CDH23: variants seen among roughly 807,000 people sequenced by gnomAD.
CDH23 encodes cadherin related 23.
In CDH23, 189 loss-of-function variants were observed where a neutral mutation model predicts 317.1. The observed-to-expected ratio is 0.60, with a 90% CI of 0.53 to 0.67. The LOEUF (loss-of-function observed/expected upper bound fraction) is 0.67, where lower values mean the gene tolerates loss of function less well. Among genes scored for constraint, CDH23 ranks in the 30% least tolerant of loss-of-function variants. The pLI, the probability that CDH23 is intolerant of heterozygous loss-of-function variation, is 0.00. For missense variants in CDH23, 4,401 were observed against 4,592.4 expected (o/e 0.96, Z 1.20); for synonymous variants, 1,839 against 1,876.8 (o/e 0.98, Z 0.52).
intron 3 of CDH23, among the ~76,000 whole-genome samples, chr10:71,482,087 G>A (rs1329282862): frequency 2.0e-5 from 3 of 152,132 alleles, no homozygotes; most frequent in African/African-American, 4.8e-5. Flanking sequence ...CCCTGGTGGC[G>A]GTCCCCATTC....
In CDH23 at chr10:71,645,893, C is replaced by T; in HGVS notation, c.1203C>T (p.Ser401=). 6.2e-7 allele frequency: 1 copy of T among 1,613,672 alleles called. No individual in the cohort carries two copies. The highest frequency in any genetic ancestry group is 8.5e-7 in the Non-Finnish European group (1 of 1,179,658). Reference sequence around the variant, plus strand: ...ACAACTCCCACCACTTCATCATCTCCCCGACCTCCGTCCAGGGGAAGGCGG... The same window carrying T: ...ACAACTCCCACCACTTCATCATCTCTCCGACCTCCGTCCAGGGGAAGGCGG... ...VGNNSHHFII[S]PTSVQGKADI... Residue 401 remains serine (S), a synonymous_variant, in exon 13 of 70, where the codon TCC becomes TCT. Coordinates refer to ENST00000224721, the MANE Select transcript of CDH23 (RefSeq NM_022124.6).
chr10:71,571,705 C>G (rs2132378439), intron 8 of CDH23, among the ~76,000 whole-genome samples: 1 of 152,324 alleles, frequency 6.6e-6, no homozygotes, highest in African/African-American at 2.4e-5. Flanking sequence ...ATGCGCCTCC[C>G]CTAGGCAGTC....
intron 11 of CDH23, among the ~76,000 whole-genome samples, chr10:71,633,505 A>G (rs7071125): frequency 0.011 from 1,704 of 152,252 alleles, 13 homozygotes; most frequent in Middle Eastern, 0.034. Flanking sequence ...GCTGAGTGAC[A>G]CACAGGACTG....
chr10:71,566,526 C>G (rs568080981), intron 6 of CDH23, among the ~76,000 whole-genome samples: 10 of 152,012 alleles, frequency 6.6e-5, no homozygotes, highest in Admixed American at 6.5e-4. Flanking sequence ...GGAACTGGTG[C>G]TCTTTACAGC....
At position 71,566,835 on chromosome 10, in the gene CDH23, T is replaced by C. The variant is rs756340333; in HGVS notation, c.523T>C (p.Ser175Pro). The part of the protein sequence containing the change: ...GSVLYSFQPP[S>P]QFFAIDSARG... ...CGTCCTCTACTCCTTCCAGCCCCCC[T>C]CCCAATTCTTCGCCATTGACAGCGC... Residue 175 changes from serine to proline, a missense_variant, in exon 7 of 70, where the codon TCC (serine) becomes CCC (proline). Physicochemically the swap from Ser to Pro is moderately conservative, Grantham distance 74. This residue lies in a region of CDH23 where 3,068 missense variants were observed against 3,203.3 expected (regional missense o/e 0.96). Coordinates refer to ENST00000224721, the MANE Select transcript of CDH23 (RefSeq NM_022124.6). The C allele has an allele frequency of 2.9e-5, 46 of 1,613,778 alleles. No homozygotes were observed. Among genetic ancestry groups the C allele is most frequent in the Non-Finnish European group, 3.5e-5 (41 of 1,179,870 alleles).
chr10:71,724,776 T>C (rs545115998), intron 29 of CDH23, among the ~76,000 whole-genome samples: 5 of 152,200 alleles, frequency 3.3e-5, no homozygotes, highest in Admixed American at 6.5e-5. Flanking sequence ...CCAATCGCTA[T>C]GGCCAGAGAA....
intron 5 of CDH23, 40 bp from the exon 6 acceptor site, chr10:71,511,080 G>A: frequency 6.2e-7 from 1 of 1,612,048 alleles, no homozygotes; most frequent in Non-Finnish European, 8.5e-7. Context: ...AGAGGCCAGA[G>A]TCAGGTGGCG....
chr10:71,429,216 T>TCA (rs1752015763), intron 1 of CDH23, among the ~76,000 whole-genome samples: 1 of 152,218 alleles, frequency 6.6e-6, no homozygotes, highest in Admixed American at 6.5e-5. Context: ...TTCTTATGTG[T>TCA]CAGGGGTCAG....
At chr10:71,690,178 A>G (rs888886111) in intron 19 of CDH23, among the ~76,000 whole-genome samples, 1 of 152,174 alleles carries the variant, frequency 6.6e-6, no homozygotes, top group South Asian at 2.1e-4. Flanking sequence ...CCAGCCAAGC[A>G]GGGGCCAGGG....
chr10:71,513,148 A>G (rs1854088246), intron 6 of CDH23, among the ~76,000 whole-genome samples: 1 of 152,212 alleles, frequency 6.6e-6, no homozygotes, highest in African/African-American at 2.4e-5. Flanking sequence ...GAAGGCCCAC[A>G]TGGTTTAATT....
At chr10:71,497,711 T>G (rs1339398695) in intron 3 of CDH23, among the ~76,000 whole-genome samples, 1 of 152,192 alleles carries the variant, frequency 6.6e-6, no homozygotes, top group East Asian at 1.9e-4. Flanking sequence ...GGAAGGGACC[T>G]TAATGTGGTG....
At chr10:71,614,475 C>T (rs962484118) in intron 9 of CDH23, among the ~76,000 whole-genome samples, 12 of 152,212 alleles carry the variant, frequency 7.9e-5, no homozygotes, top group Admixed American at 7.2e-4. Context: ...AGGACTGGCC[C>T]AGGTGAGGAA....
intron 3 of CDH23, among the ~76,000 whole-genome samples, chr10:71,472,684 G>A (rs1851580324): frequency 6.6e-6 from 1 of 152,234 alleles, no homozygotes; most frequent in African/African-American, 2.4e-5. Context: ...GAGCCCTTGT[G>A]CTGGGGTTGC....
intron 1 of CDH23, among the ~76,000 whole-genome samples, chr10:71,433,974 C>A (rs1849507963): frequency 6.6e-6 from 1 of 151,940 alleles, no homozygotes; most frequent in African/African-American, 2.4e-5. Context: ...CACGTGTTTC[C>A]TCACAATCAG....
chr10:71,587,197 C>A (rs1254533193), intron 9 of CDH23, among the ~76,000 whole-genome samples: 1 of 152,256 alleles, frequency 6.6e-6, no homozygotes, highest in Non-Finnish European at 1.5e-5. Context: ...CAAACCTAGA[C>A]CTTCCTGCTT....
chr10:71,589,363 C>T lies in CDH23; in HGVS notation c.832+11371C>T, dbSNP rs962138159. ...TTGAATTCCTGACCTTGTGATCCAC[C>T]CACCTTGGCCTCCGAAAGTGCTGGG... On this transcript the variant is annotated intron_variant, in intron 9 of 69. Transcript: ENST00000224721. 2.0e-5 allele frequency among the ~76,000 whole-genome samples: 3 copies of T among 152,178 alleles called. No homozygotes were observed. In the South Asian group the frequency reaches 6.2e-4, roughly 31 times the overall value.
intron 3 of CDH23, among the ~76,000 whole-genome samples, chr10:71,480,719 T>G (rs1180913133): frequency 6.6e-6 from 1 of 151,994 alleles, no homozygotes; most frequent in Non-Finnish European, 1.5e-5. Flanking sequence ...GGATACTGAG[T>G]GCAGAGAAGG....
Position 71,807,397 on chromosome 10 carries a change from T to G in CDH23, c.8299T>G (p.Phe2767Val), listed in dbSNP as rs370903798. 55 of 1,613,694 alleles carry G rather than the reference T, an allele frequency of 3.4e-5. No individual in the cohort carries two copies. The highest frequency in any genetic ancestry group is 4.3e-5 in the Non-Finnish European group (51 of 1,179,800). ...DEGPNAIVYY[F>V]IAAGNEEKNF... The stretch of plus-strand genomic sequence containing the variant: ...GGGCCCCAACGCGATCGTGTACTAC[T>G]TCATCGCAGGTGGGGCCAGACAGAG... Residue 2767 changes from phenylalanine to valine, a missense_variant, in exon 58 of 70, where the codon TTC (phenylalanine) becomes GTC (valine). Phe to Val is a conservative substitution (Grantham distance 50). Transcript: ENST00000224721.
intron 11 of CDH23, among the ~76,000 whole-genome samples, chr10:71,629,287 G>A (rs926466467): frequency 1.3e-5 from 2 of 152,242 alleles, no homozygotes; most frequent in African/African-American, 4.8e-5. Context: ...AGAAAGCCAG[G>A]GAAGGGGATT....
Sources: allele counts gnomAD v4.1 joint callset (sites outside exome capture counted in the v4.1 genomes callset), GRCh38; gene constraint gnomAD v4.1.1; regional missense constraint gnomAD v4.1.1; transcripts MANE v1.5; gene names NCBI Gene and HGNC (gene_info 2026-07-23, HGNC 2026-07-21).